Variants in LINGO2 observed in about 807,000 individuals in gnomAD.
LINGO2 encodes the protein leucine-rich repeat and immunoglobulin-like domain-containing nogo receptor-interacting protein 2.
In LINGO2, 14 loss-of-function variants were observed where a neutral mutation model predicts 30.6. The ratio of observed to expected loss-of-function variants is 0.46; its 90% CI spans 0.30 to 0.72. LINGO2 has a LOEUF of 0.72. Among genes scored for constraint, LINGO2 ranks in the 30% least tolerant of loss-of-function variants. LINGO2 has a pLI of 0.07. For missense variants in LINGO2, 729 were observed against 751.7 expected, an observed-to-expected ratio of 0.97 and a Z score of 0.35; for synonymous variants, 317 against 288.5, an observed-to-expected ratio of 1.10 and a Z score of -1.00.
chr9:28,988,711 G>C, the LINGO2 span, among the ~76,000 whole-genome samples: 1 of 152,184 alleles, frequency 6.6e-6, no homozygotes, highest in Non-Finnish European at 1.5e-5. Context: ...CTAGATAAGT[G>C]CTTCTGGCTC....
chr9:28,867,173 GA>G, the LINGO2 span, among the ~76,000 whole-genome samples: 2 of 152,096 alleles, frequency 1.3e-5, no homozygotes, highest in Non-Finnish European at 2.9e-5. Flanking sequence ...AACTGAGTGG[GA>G]AGGCAAGTTC....
At chr9:29,129,122 T>C in the LINGO2 span, among the ~76,000 whole-genome samples, 8 of 152,256 alleles carry the variant, frequency 5.3e-5, no homozygotes. Context: ...TTTGCGTGCC[T>C]TCTTTGACAA....
At chr9:27,949,879 G>T (rs1823553516) in exon 6 of LINGO2, 2 of 1,613,890 alleles carry the variant, frequency 1.2e-6, no homozygotes, top group African/African-American at 1.3e-5. Context: ...GCAAGGAAGG[G>T]TACAGTAGAC....
At chr9:28,051,969 G>A (rs1292594347) in intron 4 of LINGO2, among the ~76,000 whole-genome samples, 2 of 152,014 alleles carry the variant, frequency 1.3e-5, no homozygotes, top group African/African-American at 2.4e-5. Context: ...GGCACTGTAA[G>A]CATTGCCTCA....
the LINGO2 span, among the ~76,000 whole-genome samples, chr9:29,106,561 A>C: frequency 6.6e-6 from 1 of 152,152 alleles, no homozygotes; most frequent in African/African-American, 2.4e-5. Flanking sequence ...GATTTCCTGC[A>C]GAGACACTGT....
At position 28,149,440 on chromosome 9, in the gene LINGO2, G is replaced by C. The variant is rs549981581; in HGVS notation, c.-86-137035C>G. Among the ~76,000 whole-genome samples the C allele has an allele frequency of 5.3e-5, 8 of 151,840 alleles. No individual in the cohort carries two copies. The East Asian group carries it at 1.6e-3, about 30-fold the overall frequency. ...CTCTGCCCAGCTGCCCCACCATCTG[G>C]GCAGTGAGGAGCGCCTCTGCCCGGC... On this transcript the variant is annotated intron_variant, in intron 4 of 5. Transcript: ENST00000379992.
intron 1 of LINGO2, among the ~76,000 whole-genome samples, chr9:28,643,759 G>A (rs576624433): frequency 1.3e-5 from 2 of 152,046 alleles, no homozygotes; most frequent in East Asian, 1.9e-4. Context: ...CCCACAGAAT[G>A]GGAGAAGAAA....
chr9:28,506,477 C>CACAG (rs1564250659), intron 1 of LINGO2, among the ~76,000 whole-genome samples: 30 of 12,650 alleles, frequency 2.4e-3, no homozygotes, highest in African/African-American at 4.2e-3. Flanking sequence ...CACACACACA[C>CACAG]ACATACACAT....
At chr9:27,984,985 G>A (rs939271754) in intron 5 of LINGO2, among the ~76,000 whole-genome samples, 1 of 151,758 alleles carries the variant, frequency 6.6e-6, no homozygotes, top group Non-Finnish European at 1.5e-5. Flanking sequence ...TAGGGGAAGA[G>A]GTTGAACTGA....
chr9:28,042,775 CATAT>C (rs745510855), intron 4 of LINGO2, among the ~76,000 whole-genome samples: 4 of 152,138 alleles, frequency 2.6e-5, no homozygotes, highest in Non-Finnish European at 4.4e-5. Context: ...CCCTCTCCCC[CATAT>C]ATGTTATCTT....
the LINGO2 span, among the ~76,000 whole-genome samples, chr9:29,205,973 T>C: frequency 3.9e-5 from 6 of 152,238 alleles, no homozygotes; most frequent in South Asian, 1.2e-3. Flanking sequence ...CACCTAATTA[T>C]ATCACATGGT....
chr9:28,283,587 T>C (rs965953207), intron 4 of LINGO2, among the ~76,000 whole-genome samples: 6 of 152,174 alleles, frequency 3.9e-5, no homozygotes, highest in African/African-American at 9.6e-5. Context: ...GTTAATATTA[T>C]GAAAACTCAC....
chr9:28,704,316 T>C, the LINGO2 span, among the ~76,000 whole-genome samples: 1 of 152,036 alleles, frequency 6.6e-6, no homozygotes, highest in African/African-American at 2.4e-5. Context: ...TCCCTGGAGG[T>C]GAGGTATTTT....
intron 2 of LINGO2, among the ~76,000 whole-genome samples, chr9:28,457,527 G>A (rs1396054598): frequency 1.3e-5 from 2 of 151,744 alleles, no homozygotes; most frequent in African/African-American, 2.4e-5. Flanking sequence ...AATTCTTCCT[G>A]CCTCAGACTC....
chr9:28,068,461 C>T (rs1825377920), intron 4 of LINGO2, among the ~76,000 whole-genome samples: 1 of 152,108 alleles, frequency 6.6e-6, no homozygotes, highest in Admixed American at 6.6e-5. Flanking sequence ...AATTACCTCT[C>T]AAAGTCCCCA....
the LINGO2 span, among the ~76,000 whole-genome samples, chr9:28,798,757 G>T: frequency 4.0e-4 from 61 of 152,210 alleles, no homozygotes; most frequent in African/African-American, 1.3e-3. Context: ...CATCAGGTTT[G>T]TTCGCTTGCT....
intron 2 of LINGO2, among the ~76,000 whole-genome samples, chr9:28,437,794 A>T (rs987962283): frequency 1.3e-5 from 2 of 152,090 alleles, no homozygotes; most frequent in Non-Finnish European, 2.9e-5. Context: ...GACAAACAAC[A>T]TATATTTGGC....
At chr9:28,812,090 C>T in the LINGO2 span, among the ~76,000 whole-genome samples, 1 of 151,588 alleles carries the variant, frequency 6.6e-6, no homozygotes, top group Non-Finnish European at 1.5e-5. Flanking sequence ...TTTTGCATCA[C>T]TCTCACTCTT....
chr9:28,122,956 AT>A (rs1256754346), intron 4 of LINGO2, among the ~76,000 whole-genome samples: 1 of 152,240 alleles, frequency 6.6e-6, no homozygotes, highest in Non-Finnish European at 1.5e-5. Context: ...AAATATATTT[AT>A]GATATCTAAA....
Sources: allele counts gnomAD v4.1 joint callset (sites outside exome capture counted in the v4.1 genomes callset), GRCh38; gene constraint gnomAD v4.1.1; transcripts MANE v1.5; gene names NCBI Gene and HGNC (gene_info 2026-07-23, HGNC 2026-07-21).